Variants in KCNU1 observed in about 807,000 individuals in gnomAD.
The protein encoded by KCNU1 is potassium calcium-activated channel subfamily U member 1, also known as potassium channel subfamily U member 1.
Under a neutral mutation model 126.8 loss-of-function variants are expected in KCNU1, and 93 were observed. The observed-to-expected ratio is 0.73, with a 90% CI of 0.62 to 0.87. KCNU1 has a LOEUF of 0.87. KCNU1 is among the 40% of genes least tolerant of loss of function. KCNU1 has a pLI of 0.00. For synonymous variants in KCNU1, 523 were observed against 494.2 expected (o/e 1.06, Z -0.77); for missense variants, 1,330 against 1,367.1 (o/e 0.97, Z 0.43).
chr8:36,845,186 T>C (rs1156864665), intron 16 of KCNU1, among the ~76,000 whole-genome samples: 1 of 152,202 alleles, frequency 6.6e-6, no homozygotes, highest in Non-Finnish European at 1.5e-5. Context: ...GGCCTAAAGA[T>C]GAGCACTACT....
At chr8:36,869,989 G>A (rs919458651) in intron 19 of KCNU1, among the ~76,000 whole-genome samples, 20 of 152,126 alleles carry the variant, frequency 1.3e-4, no homozygotes, top group African/African-American at 4.8e-4. Context: ...GGTTTTCAGT[G>A]AAGATCTACG....
At chr8:36,928,932 CT>C (rs1437663092) in intron 24 of KCNU1, 1 of 669,766 alleles carries the variant, frequency 1.5e-6, no homozygotes, top group Non-Finnish European at 2.7e-6. Context: ...GAAATCTACA[CT>C]CATTAATATC....
chr8:36,829,628 A>T (rs777027351), intron 10 of KCNU1, among the ~76,000 whole-genome samples: 38 of 150,962 alleles, frequency 2.5e-4, no homozygotes, highest in Non-Finnish European at 5.6e-4. Flanking sequence ...TATAAATTTT[A>T]AAATTATTTT....
At chr8:36,785,003 A>G (rs1423817447) in intron 1 of KCNU1, among the ~76,000 whole-genome samples, 1 of 152,262 alleles carries the variant, frequency 6.6e-6, no homozygotes, top group Non-Finnish European at 1.5e-5. Context: ...CCTTGCTTTC[A>G]TAAATTGTTC....
chr8:36,797,724 T>G (rs1017167886), intron 2 of KCNU1, among the ~76,000 whole-genome samples: 7 of 152,082 alleles, frequency 4.6e-5, no homozygotes, highest in Admixed American at 2.0e-4. Flanking sequence ...TCCAAAAAAG[T>G]TTTTTTCTTG....
chr8:36,849,668 T>A (rs957353432), intron 18 of KCNU1, among the ~76,000 whole-genome samples: 1 of 152,234 alleles, frequency 6.6e-6, no homozygotes, highest in Non-Finnish European at 1.5e-5. Context: ...TGTATTTTTC[T>A]TGCTGAATAA....
chr8:36,855,974 GTCCACAACAGTCACATTTT>G (rs1805514324), intron 18 of KCNU1, among the ~76,000 whole-genome samples: 1 of 152,014 alleles, frequency 6.6e-6, no homozygotes, highest in Admixed American at 6.6e-5. Flanking sequence ...GCACAATTTA[GTCCACAACAGTCACATTTT>G]GAGGTTCTGG....
intron 12 of KCNU1, 64 bp downstream of exon 12, chr8:36,834,932 C>T (rs1291184297): frequency 2.2e-5 from 22 of 1,018,334 alleles, no homozygotes; most frequent in South Asian, 7.0e-5. Context: ...AAGTAATGCC[C>T]GGTACATAAG....
chr8:36,861,285 A>G (rs1805720825), intron 18 of KCNU1, among the ~76,000 whole-genome samples: 1 of 152,198 alleles, frequency 6.6e-6, no homozygotes, highest in Non-Finnish European at 1.5e-5. Flanking sequence ...TTATTCTTCT[A>G]ATGGTACAGT....
intron 10 of KCNU1, among the ~76,000 whole-genome samples, chr8:36,820,697 C>CA (rs911969093): frequency 6.7e-6 from 1 of 149,496 alleles, no homozygotes; most frequent in Non-Finnish European, 1.5e-5. Context: ...TCCAGATGGT[C>CA]AAAAAAAGGA....
chr8:36,912,850 C>G (rs984190895), intron 22 of KCNU1, among the ~76,000 whole-genome samples: 1 of 150,232 alleles, frequency 6.7e-6, no homozygotes, highest in African/African-American at 2.5e-5. Flanking sequence ...CGCCTGTAAT[C>G]CCAGCTACTC....
chr8:36,820,868 G>A (rs1288753364), intron 10 of KCNU1, among the ~76,000 whole-genome samples: 1 of 152,142 alleles, frequency 6.6e-6, no homozygotes, highest in Non-Finnish European at 1.5e-5. Context: ...GTCAGGCAAA[G>A]GGGCTGCAAA....
At chr8:36,794,763 A>C (rs986591934) in intron 2 of KCNU1, among the ~76,000 whole-genome samples, 2 of 152,048 alleles carry the variant, frequency 1.3e-5, no homozygotes, top group African/African-American at 4.8e-5. Context: ...TTGTACAAAA[A>C]ATAAAAATAT....
intron 10 of KCNU1, among the ~76,000 whole-genome samples, chr8:36,829,816 A>G (rs988844154): frequency 1.3e-5 from 2 of 151,164 alleles, no homozygotes; most frequent in African/African-American, 4.8e-5. Flanking sequence ...ATAATTTCCC[A>G]GGTAGAGAGC....
rs368536733 is a variant in KCNU1, at chr8:36,864,441, A to C, written c.1929A>C (p.Gly643=). 7.0e-5 allele frequency: 113 copies of C among 1,612,512 alleles called. No individual in the cohort carries two copies. The South Asian group carries it at 1.1e-3, about 16-fold the overall frequency. Residue 643 remains glycine (G), a synonymous_variant, in exon 19 of 27, where the codon GGA becomes GGC. Coordinates refer to ENST00000399881, the MANE Select transcript of KCNU1 (RefSeq NM_001031836.3). ...SVKRMKKCLK[G]ISSRISGQDS... ...AGAGAATGAAAAAATGTCTGAAGGGAATCTCCTCTCGTATATCAGGGCAGG... is the reference window on the plus strand; with the variant it reads ...AGAGAATGAAAAAATGTCTGAAGGGCATCTCCTCTCGTATATCAGGGCAGG...
intron 19 of KCNU1, among the ~76,000 whole-genome samples, chr8:36,896,111 AT>A (rs34602024): frequency 7.9e-5 from 12 of 151,650 alleles, no homozygotes; most frequent in East Asian, 1.9e-4. Context: ...CTTAAAAATT[AT>A]TTTTTTATTA....
chr8:36,817,624 C>A (rs781555792), intron 9 of KCNU1, 26 bp from the exon 10 acceptor site: 1 of 1,224,458 alleles, frequency 8.2e-7, no homozygotes, highest in Non-Finnish European at 1.2e-6. Context: ...CTCGGATGAT[C>A]CACCTCACCT....
At chr8:36,883,236 C>G (rs1806554091) in intron 19 of KCNU1, among the ~76,000 whole-genome samples, 1 of 152,180 alleles carries the variant, frequency 6.6e-6, no homozygotes, top group African/African-American at 2.4e-5. Context: ...TCACCAATTT[C>G]CTCTTCAGTT....
chr8:36,846,309 A>G (rs1805142718), intron 18 of KCNU1, among the ~76,000 whole-genome samples: 1 of 152,180 alleles, frequency 6.6e-6, no homozygotes, highest in African/African-American at 2.4e-5. Context: ...CTACCTCATG[A>G]CCATACCTTA....
Sources: gnomAD v4.1 joint callset for allele counts (sites outside exome capture counted in the v4.1 genomes callset) on GRCh38, gnomAD v4.1.1 for gene constraint, MANE v1.5 for transcripts, NCBI Gene and HGNC (gene_info 2026-07-23, HGNC 2026-07-21) for gene names.